STOML3: variants seen among roughly 807,000 people sequenced by gnomAD.
The protein encoded by STOML3 is stomatin-like protein 3.
Under a neutral mutation model 29.5 loss-of-function variants are expected in STOML3, and 31 were observed. The ratio of observed to expected loss-of-function variants is 1.05; its 90% CI spans 0.79 to 1.42. STOML3 has a LOEUF of 1.42. Ranked by LOEUF, STOML3 falls within the 40% of genes most tolerant of loss-of-function variation. The probability of loss-of-function intolerance (pLI) is 0.00; values close to 1 mark genes in which losing one functional copy is unlikely to be tolerated. For synonymous variants in STOML3, 122 were observed against 139.8 expected, an observed-to-expected ratio of 0.87 and a Z score of 0.90; for missense variants, 380 against 363.0, an observed-to-expected ratio of 1.05 and a Z score of -0.38.
intron 5 of STOML3, among the ~76,000 whole-genome samples, chr13:38,969,440 C>T (rs971104525): frequency 2.0e-4 from 30 of 152,240 alleles, no homozygotes; most frequent in African/African-American, 6.7e-4. Flanking sequence ...TTGTTAAATT[C>T]GTGGGGCACA....
chr13:38,983,588 T>A (rs1881340312), intron 1 of STOML3, among the ~76,000 whole-genome samples: 1 of 152,190 alleles, frequency 6.6e-6, no homozygotes, highest in Admixed American at 6.5e-5. Flanking sequence ...GCCACTGACA[T>A]TATAAGCTCC....
chr13:38,971,318 C>A (rs1446311757), intron 4 of STOML3, among the ~76,000 whole-genome samples: 1 of 152,168 alleles, frequency 6.6e-6, no homozygotes, highest in African/African-American at 2.4e-5. Flanking sequence ...CAGGCGTGAG[C>A]CACCATGTCT....
chr13:38,969,441 G>A (rs941851143), intron 5 of STOML3, among the ~76,000 whole-genome samples: 16 of 152,166 alleles, frequency 1.1e-4, no homozygotes, highest in African/African-American at 3.4e-4. Flanking sequence ...TGTTAAATTC[G>A]TGGGGCACAT....
In STOML3 at chr13:38,966,571, C is replaced by A. The variant is rs1326441313; in HGVS notation, c.*254G>T. The A allele has an allele frequency of 3.3e-6, 1 of 300,074 alleles. No homozygotes were observed. The highest frequency in any genetic ancestry group is 2.2e-5 in the African/African-American group (1 of 46,424). The allele number at this position is 300,074 out of a possible 1,614,324, so 18.6% of individuals were successfully genotyped here. On this transcript the variant is annotated 3_prime_UTR_variant, in exon 7 of 7. Transcript: ENST00000379631. Reference sequence around the variant, plus strand: ...AAAGTTCCTGCTATAAAGTCGGAGACCACCACTAATTAATTATATAAGAAT... The same window carrying A: ...AAAGTTCCTGCTATAAAGTCGGAGAACACCACTAATTAATTATATAAGAAT...
chr13:38,990,094 A>C (rs1868940280), intron 1 of STOML3, among the ~76,000 whole-genome samples: 2 of 152,182 alleles, frequency 1.3e-5, no homozygotes, highest in African/African-American at 4.8e-5. Flanking sequence ...TGTAACACAT[A>C]ATAGTCATTA....
intron 3 of STOML3, among the ~76,000 whole-genome samples, chr13:38,975,105 G>A (rs1051016644): frequency 1.3e-5 from 2 of 151,960 alleles, no homozygotes; most frequent in African/African-American, 2.4e-5. Flanking sequence ...CGAGACGGGC[G>A]GATCACCTGA....
chr13:38,978,713 T>G (rs531574689), intron 1 of STOML3, among the ~76,000 whole-genome samples: 4 of 152,298 alleles, frequency 2.6e-5, no homozygotes, highest in African/African-American at 9.6e-5. Context: ...TCACTAAACC[T>G]AAATGATACT....
chr13:38,975,638 ATT>A (rs1299697567), intron 3 of STOML3, among the ~76,000 whole-genome samples: 7 of 152,188 alleles, frequency 4.6e-5, no homozygotes, highest in Non-Finnish European at 5.9e-5. Flanking sequence ...TTTCCAGAGT[ATT>A]AGAATTAATC....
chr13:38,975,056 G>A (rs947769060), intron 3 of STOML3, among the ~76,000 whole-genome samples: 13 of 152,196 alleles, frequency 8.5e-5, no homozygotes, highest in Non-Finnish European at 1.6e-4. Flanking sequence ...GCTGCTGGGC[G>A]TGGTGGCTCA....
At chr13:38,974,991 CT>C (rs1363758507) in intron 3 of STOML3, among the ~76,000 whole-genome samples, 3 of 152,034 alleles carry the variant, frequency 2.0e-5, no homozygotes, top group African/African-American at 7.2e-5. Flanking sequence ...TAGTTTTTAC[CT>C]TCTTTTTCTT....
chr13:38,969,748 G>A (rs1447332538), intron 5 of STOML3, among the ~76,000 whole-genome samples: 1 of 152,116 alleles, frequency 6.6e-6, no homozygotes, highest in Non-Finnish European at 1.5e-5. Flanking sequence ...GTGGCATGGT[G>A]TAAGAATTTC....
In STOML3 at chr13:38,967,085, A is replaced by C. The variant is rs370515996; in HGVS notation, c.652-36T>G. On this transcript the variant is annotated intron_variant, in intron 6 of 6. Transcript: ENST00000379631. ...AGAAATAAAATCGTTCAGAAATAAA[A>C]GTTTACACTATAACTAGTTCTTTCT... The C allele has an allele frequency of 1.8e-5, 28 of 1,582,490 alleles. No individual in the cohort carries two copies. In the African/African-American group the frequency reaches 2.8e-4, roughly 16 times the overall value.
chr13:38,975,503 G>T (rs1193001579), intron 3 of STOML3, among the ~76,000 whole-genome samples: 1 of 151,936 alleles, frequency 6.6e-6, no homozygotes, highest in Admixed American at 6.6e-5. Flanking sequence ...CCTTCCAGTC[G>T]CAGAGAGAAC....
chr13:38,971,883 C>A (rs996136806), intron 4 of STOML3, among the ~76,000 whole-genome samples: 2 of 152,130 alleles, frequency 1.3e-5, no homozygotes, highest in African/African-American at 4.8e-5. Flanking sequence ...CGAGATTGCA[C>A]CACTGCACTC....
intron 4 of STOML3, 59 bp from the exon 5 acceptor site, chr13:38,970,447 G>C (rs2138006908): frequency 6.9e-7 from 1 of 1,451,614 alleles, no homozygotes; most frequent in Middle Eastern, 1.9e-4. Context: ...TACTGACAAA[G>C]TGACAGCCAG....
chr13:38,968,370 C>T (rs1231073161), intron 6 of STOML3, 30 bp downstream of exon 6: 3 of 1,610,246 alleles, frequency 1.9e-6, no homozygotes, highest in Non-Finnish European at 2.5e-6. Context: ...AGGCAGTTCT[C>T]CCTCCATGTG....
chr13:38,979,814 A>G (rs564853948), intron 1 of STOML3, among the ~76,000 whole-genome samples: 3 of 152,212 alleles, frequency 2.0e-5, no homozygotes, highest in Non-Finnish European at 4.4e-5. Flanking sequence ...AAGGCAGCAC[A>G]GTTCCTGTCA....
At chr13:38,988,864 T>C (rs1018864313) in intron 1 of STOML3, among the ~76,000 whole-genome samples, 1 of 143,850 alleles carries the variant, frequency 7.0e-6, no homozygotes, top group Non-Finnish European at 1.5e-5. Context: ...ATATATGCTG[T>C]ATTATATAAT....
At chr13:38,982,075 C>T (rs1376112712) in intron 1 of STOML3, among the ~76,000 whole-genome samples, 5 of 151,884 alleles carry the variant, frequency 3.3e-5, no homozygotes, top group African/African-American at 2.4e-5. Context: ...GAATATTACT[C>T]AGCAAGAAAA....
Sources: allele counts gnomAD v4.1 joint callset (sites outside exome capture counted in the v4.1 genomes callset), GRCh38; gene constraint gnomAD v4.1.1; transcripts MANE v1.5; gene names NCBI Gene and HGNC (gene_info 2026-07-23, HGNC 2026-07-21).